The following PPP1R36 variants were observed in gnomAD, a reference collection of about 807,000 sequenced individuals.
PPP1R36 encodes protein phosphatase 1 regulatory subunit 36.
PPP1R36 carries 47 observed loss-of-function variants against 53.4 expected under a neutral mutation model. The ratio of observed to expected loss-of-function variants is 0.88; its 90% CI spans 0.70 to 1.12. The LOEUF (loss-of-function observed/expected upper bound fraction) is 1.12. Ranked by LOEUF, PPP1R36 falls within the 50% of genes most tolerant of loss-of-function variation. The pLI is 0.00. For synonymous variants in PPP1R36, 153 were observed against 170.5 expected, an observed-to-expected ratio of 0.90 and a Z score of 0.80; for missense variants, 456 against 513.9, an observed-to-expected ratio of 0.89 and a Z score of 1.09.
At chr14:64,587,432 TC>T in intron 10 of PPP1R36, 60 bp downstream of exon 10, 1 of 948,568 alleles carries the variant, frequency 1.1e-6, no homozygotes, top group Non-Finnish European at 1.5e-6. Flanking sequence ...TCCTTTCTTT[TC>T]TTTTCTTTTT....
chr14:64,562,142 A>G (rs1484825914), intron 3 of PPP1R36: 1 of 175,376 alleles, frequency 5.7e-6, no homozygotes, highest in African/African-American at 2.4e-5. Context: ...TTGGGCACCA[A>G]TCAGAGGTTC....
intron 8 of PPP1R36, among the ~76,000 whole-genome samples, chr14:64,576,000 T>C (rs1255513696): frequency 1.3e-5 from 2 of 151,908 alleles, no homozygotes; most frequent in African/African-American, 2.4e-5. Context: ...TCTGGTTGCA[T>C]TGGGTTTTAT....
intron 6 of PPP1R36, 98 bp downstream of exon 6, chr14:64,565,790 C>T (rs967118455): frequency 5.3e-6 from 5 of 934,846 alleles, no homozygotes; most frequent in South Asian, 4.2e-5. Flanking sequence ...AGAGGAAGAG[C>T]GTGAGGCTGG....
Position 64,589,307 on chromosome 14 carries a change from C to T in PPP1R36, c.1238C>T (p.Thr413Ile), listed in dbSNP as rs140498409. 9.3e-6 allele frequency: 15 copies of T among 1,613,744 alleles called. No homozygotes were observed. The highest frequency in any genetic ancestry group is 1.2e-5 in the Non-Finnish European group (14 of 1,179,698). The change falls in exon 12 of 12, where the codon ACA becomes ATA. Residue 413 changes from threonine (T) to isoleucine (I), a missense_variant. Thr to Ile is a moderately conservative substitution (Grantham distance 89, BLOSUM62 -1). Coordinates refer to ENST00000298705, the MANE Select transcript of PPP1R36 (RefSeq NM_172365.3). ...GATACACTGGACTTGGTCATGAAAA[C>T]ACTGTCCTCTCATACATCATGCCCT... is the stretch of plus-strand genomic sequence containing the variant. ...IQDTLDLVMKTLSSHTSCPK is the reference protein window; with the variant it reads ...IQDTLDLVMKILSSHTSCPK
rs117672481 is a variant in PPP1R36, at chr14:64,556,397, C to T, written c.182+3536C>T. On this transcript the variant is annotated intron_variant, in intron 3 of 11. Coordinates refer to ENST00000298705, the MANE Select transcript of PPP1R36 (RefSeq NM_172365.3). ...GGATTATAGGCATGAGCCACTGTAC[C>T]CTGCCTTGCAGGTTTGATTTTGTTG... Among the ~76,000 whole-genome samples the T allele has an allele frequency of 3.5e-3, 527 of 152,028 alleles. 3 individuals are homozygous for T. The highest frequency in any genetic ancestry group is 5.9e-3 in the Non-Finnish European group (400 of 67,972).
At chr14:64,561,880 C>T (rs2080208119) in intron 3 of PPP1R36, 12 of 454,268 alleles carry the variant, frequency 2.6e-5, no homozygotes, top group South Asian at 1.9e-4. Flanking sequence ...CCAAGGAAAC[C>T]CTACTCTTTC....
At chr14:64,566,174 A>G (rs942325114) in intron 6 of PPP1R36, among the ~76,000 whole-genome samples, 43 of 152,316 alleles carry the variant, frequency 2.8e-4, no homozygotes, top group African/African-American at 9.6e-4. Flanking sequence ...AGGCTGAGGC[A>G]GGAGAATTAC....
chr14:64,580,705 C>T (rs768641319), intron 8 of PPP1R36, among the ~76,000 whole-genome samples: 1 of 152,154 alleles, frequency 6.6e-6, no homozygotes, highest in Non-Finnish European at 1.5e-5. Context: ...GAACAAAGGA[C>T]ATAAAAGACA....
chr14:64,568,369 T>C lies in PPP1R36; in HGVS notation c.455T>C (p.Phe152Ser), dbSNP rs762600802. 13 of 1,526,394 alleles carry C rather than the reference T, an allele frequency of 8.5e-6. No homozygotes were observed. In the South Asian group the frequency reaches 1.5e-4, roughly 17 times the overall value. The allele number at this position is 1,526,394 out of a possible 1,614,324, so 94.6% of individuals were successfully genotyped here. The change falls in exon 7 of 12, where the codon TTC becomes TCC. Residue 152 changes from phenylalanine to serine, a missense_variant. By Grantham distance (155) the Phe-to-Ser change is radical (BLOSUM62 -2). Coordinates refer to ENST00000298705, the MANE Select transcript of PPP1R36 (RefSeq NM_172365.3). Reference protein sequence around the residue: ...TFMRNKNLDNFLMALLYYLSH... With the variant: ...TFMRNKNLDNSLMALLYYLSH... ...CATAGGAATAAGAATCTTGATAATTTCCTCATGGCATTATTGTACTACTTA... is the reference window on the plus strand; with the variant it reads ...CATAGGAATAAGAATCTTGATAATTCCCTCATGGCATTATTGTACTACTTA...
At chr14:64,587,992 C>T in intron 10 of PPP1R36, 112 bp from the exon 11 acceptor site, 1 of 1,020,156 alleles carries the variant, frequency 9.8e-7, no homozygotes, top group African/African-American at 1.6e-5. Context: ...GATCCTCCCG[C>T]CTTGATCTCC....
At chr14:64,565,504 TACAC>T in intron 5 of PPP1R36, 50 bp downstream of exon 5, 2 of 1,458,156 alleles carry the variant, frequency 1.4e-6, no homozygotes, top group Non-Finnish European at 1.9e-6. Context: ...TGTACATACA[TACAC>T]ATATCCATAC....
chr14:64,556,506 G>A (rs1057308894), intron 3 of PPP1R36, among the ~76,000 whole-genome samples: 1 of 151,712 alleles, frequency 6.6e-6, no homozygotes. Flanking sequence ...TCACACCTGC[G>A]ATCTTAGCAT....
At chr14:64,554,887 C>T (rs1031024470) in intron 3 of PPP1R36, among the ~76,000 whole-genome samples, 5 of 151,976 alleles carry the variant, frequency 3.3e-5, no homozygotes, top group South Asian at 2.1e-4. Context: ...GCATACTATT[C>T]GAGGTGCCCT....
chr14:64,579,483 T>C (rs1596744375), intron 8 of PPP1R36, among the ~76,000 whole-genome samples: 1 of 152,212 alleles, frequency 6.6e-6, no homozygotes, highest in East Asian at 1.9e-4. Flanking sequence ...TTCAGCTTGC[T>C]ATAGACTTCA....
intron 3 of PPP1R36, among the ~76,000 whole-genome samples, chr14:64,555,061 G>A (rs997661832): frequency 2.0e-5 from 3 of 152,004 alleles, no homozygotes; most frequent in Non-Finnish European, 2.9e-5. Context: ...CTATTTAACC[G>A]TTTTCTTGTT....
At chr14:64,565,118 A>G (rs1345960499) in intron 4 of PPP1R36, among the ~76,000 whole-genome samples, 1 of 152,248 alleles carries the variant, frequency 6.6e-6, no homozygotes, top group African/African-American at 2.4e-5. Flanking sequence ...TAAATGATCT[A>G]TTTTGGATGG....
intron 8 of PPP1R36, among the ~76,000 whole-genome samples, chr14:64,581,409 TG>T (rs1303951291): frequency 1.3e-5 from 2 of 152,112 alleles, no homozygotes. Context: ...ACCCATTTGG[TG>T]GGGGTCTGAG....
At chr14:64,588,348 G>A (rs2080454054) in intron 11 of PPP1R36, 53 bp downstream of exon 11, 2 of 1,493,376 alleles carry the variant, frequency 1.3e-6, no homozygotes, top group South Asian at 1.3e-5. Flanking sequence ...ATCCCAGGTG[G>A]GGCTGGAAGG....
intron 11 of PPP1R36, 111 bp downstream of exon 11, chr14:64,588,406 G>A: frequency 1.1e-6 from 1 of 935,180 alleles, no homozygotes. Flanking sequence ...GAGCCATGAT[G>A]ACAGCCCCCA....
Sources: gnomAD v4.1 joint callset for allele counts (sites outside exome capture counted in the v4.1 genomes callset) on GRCh38, gnomAD v4.1.1 for gene constraint, MANE v1.5 for transcripts, NCBI Gene and HGNC (gene_info 2026-07-23, HGNC 2026-07-21) for gene names.